Variants in GRM8 observed in about 807,000 individuals in gnomAD.
GRM8 encodes the protein glutamate metabotropic receptor 8.
A neutral mutation model predicts 87.2 loss-of-function variants in GRM8; 47 were observed. The ratio of observed to expected loss-of-function variants is 0.54; its 90% confidence interval spans 0.43 to 0.69. GRM8 has a LOEUF of 0.69. GRM8 is among the 30% of genes least tolerant of loss of function. GRM8 has a pLI of 0.00. For synonymous variants in GRM8, 396 were observed against 404.5 expected (o/e 0.98, Z 0.25); for missense variants, 1,019 against 1,139.2 (o/e 0.89, Z 1.52).
At chr7:126,568,201 A>C (rs1171409657) in intron 8 of GRM8, among the ~76,000 whole-genome samples, 1 of 152,160 alleles carries the variant, frequency 6.6e-6, no homozygotes, top group Non-Finnish European at 1.5e-5. Context: ...AAGCTTCAGG[A>C]GTGTGTATGT....
chr7:126,492,918 T>A (rs1445945615), intron 9 of GRM8, among the ~76,000 whole-genome samples: 1 of 152,046 alleles, frequency 6.6e-6, no homozygotes, highest in East Asian at 1.9e-4. Flanking sequence ...TCCAAGTCCA[T>A]TAAATTATTT....
chr7:126,649,814 G>A (rs1026012617), intron 7 of GRM8, among the ~76,000 whole-genome samples: 1 of 152,162 alleles, frequency 6.6e-6, no homozygotes, highest in African/African-American at 2.4e-5. Flanking sequence ...ACAGGAGAAG[G>A]CTCTGCAACA....
intron 8 of GRM8, among the ~76,000 whole-genome samples, chr7:126,536,768 T>C (rs891991399): frequency 5.3e-5 from 8 of 152,078 alleles, no homozygotes; most frequent in African/African-American, 1.9e-4. Flanking sequence ...CTAATTACTA[T>C]AGAAACAAAA....
intron 2 of GRM8, among the ~76,000 whole-genome samples, chr7:127,236,151 T>C (rs1031162708): frequency 1.3e-5 from 2 of 152,162 alleles, no homozygotes; most frequent in Non-Finnish European, 2.9e-5. Flanking sequence ...TTTTGGTGTA[T>C]GGTGAAAACA....
At chr7:127,136,293 C>T (rs978377746) in intron 2 of GRM8, among the ~76,000 whole-genome samples, 3 of 152,124 alleles carry the variant, frequency 2.0e-5, no homozygotes, top group African/African-American at 4.8e-5. Context: ...ATCCAATACA[C>T]TGCGAATAGT....
At chr7:126,942,303 A>G (rs1807044062) in intron 3 of GRM8, among the ~76,000 whole-genome samples, 1 of 152,086 alleles carries the variant, frequency 6.6e-6, no homozygotes, top group Non-Finnish European at 1.5e-5. Context: ...CCTACATGCT[A>G]TTATTTTTTT....
At chr7:127,120,047 C>T (rs539652458) in intron 2 of GRM8, among the ~76,000 whole-genome samples, 27 of 152,302 alleles carry the variant, frequency 1.8e-4, no homozygotes, top group South Asian at 8.3e-4. Context: ...AAACTTGTCA[C>T]GCACACCAAT....
intron 9 of GRM8, among the ~76,000 whole-genome samples, chr7:126,474,119 G>A (rs181876520): frequency 8.5e-5 from 13 of 152,138 alleles, no homozygotes; most frequent in African/African-American, 3.1e-4. Context: ...TTCAGTTGAT[G>A]TCCTAAAACA....
intron 7 of GRM8, among the ~76,000 whole-genome samples, chr7:126,669,495 A>G (rs966751804): frequency 1.3e-5 from 2 of 152,224 alleles, no homozygotes; most frequent in African/African-American, 4.8e-5. Context: ...AAACACCCCT[A>G]AGGACTATTA....
intron 6 of GRM8, among the ~76,000 whole-genome samples, chr7:126,777,072 C>T (rs578055976): frequency 3.3e-5 from 5 of 152,140 alleles, no homozygotes; most frequent in Non-Finnish European, 5.9e-5. Context: ...AATTTTTTCC[C>T]GCATTCAGAG....
At chr7:126,579,459 A>T (rs1362799086) in intron 8 of GRM8, among the ~76,000 whole-genome samples, 1 of 152,236 alleles carries the variant, frequency 6.6e-6, no homozygotes, top group Non-Finnish European at 1.5e-5. Flanking sequence ...ATATGAGGAA[A>T]GATTTCAGTG....
At chr7:127,091,783 T>C (rs1216819454) in intron 3 of GRM8, among the ~76,000 whole-genome samples, 8 of 100,602 alleles carry the variant, frequency 8.0e-5, no homozygotes, top group Non-Finnish European at 1.4e-4. Flanking sequence ...GCCGTCCCAC[T>C]GATGACTCCC....
At chr7:126,694,796 G>C (rs1809199824) in intron 7 of GRM8, among the ~76,000 whole-genome samples, 1 of 152,164 alleles carries the variant, frequency 6.6e-6, no homozygotes. Flanking sequence ...CTTGAGATAC[G>C]TTTGTCTCTT....
chr7:126,577,899 A>C (rs1328581547), intron 8 of GRM8, among the ~76,000 whole-genome samples: 1 of 151,324 alleles, frequency 6.6e-6, no homozygotes, highest in African/African-American at 2.4e-5. Context: ...TTCTTTCATA[A>C]CTCTTAAAAT....
intron 6 of GRM8, among the ~76,000 whole-genome samples, chr7:126,872,000 CATGAAGAATGTG>C (rs1799140447): frequency 6.6e-6 from 1 of 152,102 alleles, no homozygotes; most frequent in Non-Finnish European, 1.5e-5. Flanking sequence ...TTATCATTTG[CATGAAGAATGTG>C]CAGATATTGC....
chr7:127,166,232 C>A (rs1793443378), intron 2 of GRM8, among the ~76,000 whole-genome samples: 1 of 152,112 alleles, frequency 6.6e-6, no homozygotes, highest in Non-Finnish European at 1.5e-5. Context: ...AAATAAATAT[C>A]TTGGCTTAAC....
intron 6 of GRM8, among the ~76,000 whole-genome samples, chr7:126,820,096 A>G (rs1794162600): frequency 6.6e-6 from 1 of 152,246 alleles, no homozygotes; most frequent in South Asian, 2.1e-4. Flanking sequence ...TAAATTTCAT[A>G]GCCACTTGTT....
chr7:126,872,120 C>T (rs1028329211), intron 6 of GRM8, among the ~76,000 whole-genome samples: 3 of 152,112 alleles, frequency 2.0e-5, no homozygotes, highest in Non-Finnish European at 2.9e-5. Context: ...TACTCCTGCT[C>T]TTGATCTTTG....
chr7:127,245,428 G>C (rs1406364279), intron 1 of GRM8, among the ~76,000 whole-genome samples: 1 of 152,180 alleles, frequency 6.6e-6, no homozygotes, highest in East Asian at 1.9e-4. Context: ...CATCCCCCAA[G>C]TACTTAAAAC....
Sources: allele counts gnomAD v4.1 joint callset (sites outside exome capture counted in the v4.1 genomes callset), GRCh38; gene constraint gnomAD v4.1.1; transcripts MANE v1.5; gene names NCBI Gene and HGNC (gene_info 2026-07-23, HGNC 2026-07-21).